ZNF394: variants seen among roughly 807,000 people sequenced by gnomAD.
The protein encoded by ZNF394 is zinc finger protein 394.
ZNF394 carries 19 observed loss-of-function variants against 21.8 expected under a neutral mutation model. The observed-to-expected ratio is 0.87, with a 90% confidence interval of 0.61 to 1.28. The LOEUF is 1.28. Ranked by LOEUF, ZNF394 falls within the 50% of genes most tolerant of loss-of-function variation. The pLI, the probability that ZNF394 is intolerant of heterozygous loss-of-function variation, is 0.00. For synonymous variants in ZNF394, 294 were observed against 273.3 expected, an observed-to-expected ratio of 1.08 and a Z score of -0.75; for missense variants, 683 against 708.6, an observed-to-expected ratio of 0.96 and a Z score of 0.41.
chr7:99,494,377 CT>C lies in ZNF394; in HGVS notation c.837del (p.Asp280ThrfsTer45). ...TTCTGCAATTCATTATTTTTAGAGT[CT>C]TCCCCTTCTATGGAACCATTCTTAT... ...DVNKNGSIEG[E>X]DSKNNELQNS... On this transcript the variant is annotated frameshift_variant, in exon 3 of 3. Transcript: ENST00000337673. LOFTEE classifies it low-confidence loss of function (END_TRUNC). 1 of 1,614,174 alleles carries C rather than the reference CT, an allele frequency of 6.2e-7. No homozygotes were observed. Among genetic ancestry groups the C allele is most frequent in the Non-Finnish European group, 8.5e-7 (1 of 1,180,040 alleles).
At chr7:99,488,185 A>G (rs569202310) in intron 1 of ZNF394, among the ~76,000 whole-genome samples, 4 of 152,050 alleles carry the variant, frequency 2.6e-5, no homozygotes, top group African/African-American at 9.6e-5. Flanking sequence ...AGGGAGCCAT[A>G]GAAGCTGTGC....
At chr7:99,495,775 C>T (rs2151082465) in intron 2 of ZNF394, among the ~76,000 whole-genome samples, 1 of 152,246 alleles carries the variant, frequency 6.6e-6, no homozygotes, top group Admixed American at 6.5e-5. Context: ...CAACGTGCCA[C>T]CACACCCGGC....
Position 99,499,619 on chromosome 7 carries a change from C to A in ZNF394, c.456+19G>T. The A allele has an allele frequency of 6.4e-7, 1 of 1,556,488 alleles. No homozygotes were observed. Among genetic ancestry groups the A allele is most frequent in the Admixed American group, 1.9e-5 (1 of 52,534 alleles). ...ATTTTCCACACTCCCACCTCCAGAACAGGCCTTTCGCTTCTCACCTGGGAT... is the reference window on the plus strand; with the variant it reads ...ATTTTCCACACTCCCACCTCCAGAAAAGGCCTTTCGCTTCTCACCTGGGAT... On this transcript the variant is annotated intron_variant, in intron 1 of 2. Coordinates refer to ENST00000337673, the MANE Select transcript of ZNF394 (RefSeq NM_032164.4).
chr7:99,490,013 C>A (rs1434082959), downstream of ZNF394, among the ~76,000 whole-genome samples: 3 of 151,496 alleles, frequency 2.0e-5, no homozygotes, highest in Non-Finnish European at 4.4e-5. Context: ...TCAAAAAAAA[C>A]AAACAAATAT....
chr7:99,500,275 C>A lies in ZNF394; in HGVS notation c.-182G>T. Reference sequence around the variant, plus strand: ...CCTACAACTCTCTCGGTCAAACAACCGAAAACATCCCGTGCCGGAAGCGCG... The same window carrying A: ...CCTACAACTCTCTCGGTCAAACAACAGAAAACATCCCGTGCCGGAAGCGCG... On this transcript the variant is annotated 5_prime_UTR_variant, in exon 1 of 3. Transcript: ENST00000337673. 3.6e-6 allele frequency: 2 copies of A among 558,436 alleles called. No individual in the cohort carries two copies. The highest frequency in any genetic ancestry group is 5.9e-6 in the Non-Finnish European group (2 of 336,340). 34.6% of individuals were successfully genotyped at this position (558,436 alleles called of 1,614,324 possible).
chr7:99,499,046 A>G (rs1240862645), intron 1 of ZNF394, among the ~76,000 whole-genome samples: 1 of 152,110 alleles, frequency 6.6e-6, no homozygotes, highest in Non-Finnish European at 1.5e-5. Context: ...AACTTATATC[A>G]CTGTGATGTA....
At chr7:99,498,882 C>T (rs1418191811) in intron 1 of ZNF394, 40 bp from the exon 2 acceptor site, 2 of 1,585,258 alleles carry the variant, frequency 1.3e-6, no homozygotes, top group South Asian at 1.2e-5. Context: ...CCTGCTGTCC[C>T]TGTACAGCAC....
downstream of ZNF394, among the ~76,000 whole-genome samples, chr7:99,489,494 A>G (rs555098323): frequency 1.3e-5 from 2 of 152,068 alleles, no homozygotes; most frequent in South Asian, 2.1e-4. Flanking sequence ...CCATCTCCCC[A>G]TGTGTGGAAA....
At chr7:99,495,987 T>A (rs971511904) in intron 2 of ZNF394, among the ~76,000 whole-genome samples, 1 of 152,062 alleles carries the variant, frequency 6.6e-6, no homozygotes, top group Non-Finnish European at 1.5e-5. Flanking sequence ...AATGGCGTGA[T>A]CTCGGCTCAC....
At chr7:99,498,950 G>T (rs1800423842) in intron 1 of ZNF394, 108 bp from the exon 2 acceptor site, 2 of 1,400,546 alleles carry the variant, frequency 1.4e-6, no homozygotes, top group African/African-American at 2.9e-5. Context: ...AGAGATAGAG[G>T]CTGACATTCT....
chr7:99,492,022 G>A (rs1435570452), downstream of ZNF394, among the ~76,000 whole-genome samples: 3 of 148,394 alleles, frequency 2.0e-5, no homozygotes, highest in South Asian at 4.3e-4. Flanking sequence ...GTAGTGAGCC[G>A]AGATTGCGCC....
downstream of ZNF394, among the ~76,000 whole-genome samples, chr7:99,488,453 G>T (rs1800081529): frequency 6.7e-6 from 1 of 148,528 alleles, no homozygotes; most frequent in African/African-American, 2.5e-5. Flanking sequence ...AGTGAGCCAA[G>T]AACACACCAC....
rs918812224 is a variant in ZNF394 at position 99,493,366 on chromosome 7, C to A, written c.*163G>T. The A allele has an allele frequency of 1.5e-5, 15 of 1,007,554 alleles. No homozygotes were observed. Among genetic ancestry groups the A allele is most frequent in the Admixed American group, 6.5e-5 (2 of 30,922 alleles). The allele number at this position is 1,007,554 out of a possible 1,614,324, so 62.4% of individuals were successfully genotyped here. A position where few individuals can be genotyped will look rare whatever the true frequency, so the allele number is the denominator to read the frequency against. Reference sequence around the variant, plus strand: ...CCGCCTCCTGGGTTCAAGTGATTCTCCTACCTCAGCCTCCCGAATAGCTGG... The same window carrying A: ...CCGCCTCCTGGGTTCAAGTGATTCTACTACCTCAGCCTCCCGAATAGCTGG... On this transcript the variant is annotated 3_prime_UTR_variant, in exon 3 of 3. Transcript: ENST00000337673.
chr7:99,492,639 CAAAAAAAAAAAAA>C (rs757663157), downstream of ZNF394, among the ~76,000 whole-genome samples: 1,887 of 50,492 alleles, frequency 0.037, 47 homozygotes, highest in African/African-American at 0.12. Flanking sequence ...GACTCCATCT[CAAAAAAAAAAAAA>C]AAAAAAAAGT....
rs1800202468 is a variant in ZNF394, at chr7:99,493,335, C to G, written c.*194G>C. On this transcript the variant is annotated 3_prime_UTR_variant, in exon 3 of 3. Transcript: ENST00000337673. Reference sequence around the variant, plus strand: ...GCAGTGGCATGATCTCAGCTCACTGCAACTTCCGCCTCCTGGGTTCAAGTG... The same window carrying G: ...GCAGTGGCATGATCTCAGCTCACTGGAACTTCCGCCTCCTGGGTTCAAGTG... 1 of 1,111,966 alleles carries G rather than the reference C, an allele frequency of 9.0e-7. No homozygotes were observed. The highest frequency in any genetic ancestry group is 3.4e-5 in the Admixed American group (1 of 29,284). 68.9% of individuals were successfully genotyped at this position (1,111,966 alleles called of 1,614,324 possible).
chr7:99,486,753 C>G (rs1488162954), exon 2 of ZNF394: 3 of 1,614,196 alleles, frequency 1.9e-6, no homozygotes, highest in Non-Finnish European at 2.5e-6. Flanking sequence ...ATGGCAAACC[C>G]TTCAATCAAA....
chr7:99,490,488 G>A (rs1448956688), downstream of ZNF394, among the ~76,000 whole-genome samples: 2 of 152,010 alleles, frequency 1.3e-5, no homozygotes, highest in African/African-American at 4.8e-5. Flanking sequence ...AAATTAGCTG[G>A]GTGTGGTGGT....
rs751727553 is a variant in ZNF394 at position 99,498,933 on chromosome 7, A to T, written c.457-91T>A. ...GTCTTGTACCGACAAGGGAGTTTGG[A>T]GAGATCAGAGATAGAGGCTGACATT... On this transcript the variant is annotated intron_variant, in intron 1 of 2. Transcript: ENST00000337673. 2,521 of 1,455,146 alleles carry T rather than the reference A, an allele frequency of 1.7e-3. 2 individuals carry two copies. The highest frequency in any genetic ancestry group is 2.0e-3 in the Non-Finnish European group (2,228 of 1,089,180). The allele number at this position is 1,455,146 out of a possible 1,614,324, so 90.1% of individuals were successfully genotyped here.
downstream of ZNF394, among the ~76,000 whole-genome samples, chr7:99,491,361 A>G (rs1453591557): frequency 1.3e-5 from 2 of 152,188 alleles, no homozygotes; most frequent in East Asian, 3.8e-4. Flanking sequence ...TAAGGGTGCT[A>G]AGAGCATCTT....
Sources: allele counts gnomAD v4.1 joint callset (sites outside exome capture counted in the v4.1 genomes callset), GRCh38; gene constraint gnomAD v4.1.1; transcripts MANE v1.5; gene names NCBI Gene and HGNC (gene_info 2026-07-23, HGNC 2026-07-21).